FTCD: variants seen among roughly 807,000 people sequenced by gnomAD.
FTCD encodes the protein formimidoyltransferase cyclodeaminase, also known as formimidoyltransferase-cyclodeaminase.
FTCD carries 76 observed loss-of-function variants against 62.9 expected under a neutral mutation model. The observed-to-expected ratio is 1.21, with a 90% CI of 1.00 to 1.46. The LOEUF is 1.46. Among genes scored for constraint, FTCD ranks in the 40% most tolerant of loss-of-function variants. The pLI, the probability that FTCD is intolerant of heterozygous loss-of-function variation, is 0.00. For synonymous variants in FTCD, 397 were observed against 336.9 expected (o/e 1.18, Z -1.95); for missense variants, 845 against 751.3 (o/e 1.12, Z -1.46).
Position 46,154,188 on chromosome 21 carries a change from G to A in FTCD, c.199C>T (p.Arg67Trp), listed in dbSNP as rs752501588. The change falls in exon 2 of 14, where the codon CGG becomes TGG. Residue 67 changes from arginine (R) to tryptophan (W), a missense_variant. Transcript: ENST00000397746. ...ATGTCGATAAGTCGGGAAGCTACCC[G>A]GGCAGCGTTGAGGGCCCCCTCCACC... ...CVVEGALNAARVASRLIDMSR... is the reference protein window; with the variant it reads ...CVVEGALNAAWVASRLIDMSR... 2.9e-5 allele frequency: 46 copies of A among 1,612,698 alleles called. No homozygotes were observed. Among genetic ancestry groups the A allele is most frequent in the African/African-American group, 4.0e-5 (3 of 74,912 alleles).
chr21:46,153,201 CCCAGCCCTGCCCCAGCGGCAGCA>C (rs1208825037), intron 2 of FTCD, among the ~76,000 whole-genome samples, 166 bp from the exon 3 acceptor site: 3 of 152,174 alleles, frequency 2.0e-5, no homozygotes, highest in African/African-American at 7.2e-5. Context: ...CCTGGGCGCT[CCCAGCCCTGCCCCAGCGGCAGCA>C]CCAGCCCTCC....
intron 2 of FTCD, 147 bp downstream of exon 2, chr21:46,154,002 T>C: frequency 1.2e-6 from 1 of 809,980 alleles, no homozygotes; most frequent in Non-Finnish European, 2.1e-6. Context: ...CACTCCAGGG[T>C]CCTCCTAGGA....
At position 46,143,675 on chromosome 21, in the gene FTCD, C is replaced by T. The variant is rs185586885; in HGVS notation, c.1260+1742G>A. Among the ~76,000 whole-genome samples the T allele has an allele frequency of 1.7e-3, 253 of 152,296 alleles. 1 individual carries two copies. The highest frequency in any genetic ancestry group is 0.015 in the Admixed American group (228 of 15,306). On this transcript the variant is annotated intron_variant, in intron 10 of 13. Coordinates refer to ENST00000397746, the MANE Select transcript of FTCD (RefSeq NM_206965.2). Reference sequence around the variant, plus strand: ...GCTCTTTGTCAGGCCTGGGCAGGGCCACTAGAGGGCTCCTTGGTCTAGCGG... The same window carrying T: ...GCTCTTTGTCAGGCCTGGGCAGGGCTACTAGAGGGCTCCTTGGTCTAGCGG...
intron 1 of FTCD, among the ~76,000 whole-genome samples, chr21:46,154,729 C>A (rs1169424712): frequency 6.6e-6 from 1 of 152,242 alleles, no homozygotes; most frequent in African/African-American, 2.4e-5. Flanking sequence ...GGGGGAGGGG[C>A]CTGAAGGGCC....
intron 2 of FTCD, 26 bp from the exon 3 acceptor site, chr21:46,153,061 A>G (rs927369510): frequency 1.0e-5 from 16 of 1,541,298 alleles, no homozygotes; most frequent in Non-Finnish European, 1.4e-5. Context: ...GAGGCCGGGC[A>G]GGAGGCCAGG....
At position 46,150,422 on chromosome 21, in the gene FTCD, T is replaced by C; in HGVS notation, c.740A>G (p.His247Arg). The C allele has an allele frequency of 6.2e-7, 1 of 1,613,062 alleles. No individual in the cohort carries two copies. The highest frequency in any genetic ancestry group is 8.5e-7 in the Non-Finnish European group (1 of 1,179,878). The change falls in exon 6 of 14, where the codon CAC becomes CGC. Residue 247 changes from histidine to arginine, a missense_variant. His to Arg is a conservative substitution (Grantham distance 29). Coordinates refer to ENST00000397746, the MANE Select transcript of FTCD (RefSeq NM_206965.2). ...TCGGCAGGTCTCCTCGTAGACCGTGTGCAGTGCCGTGACCTCAAAGTCCAG... is the reference window on the plus strand; with the variant it reads ...TCGGCAGGTCTCCTCGTAGACCGTGCGCAGTGCCGTGACCTCAAAGTCCAG... ...NLLDFEVTAL[H>R]TVYEETCREA...
chr21:46,136,480 C>A, downstream of FTCD: 1 of 1,612,644 alleles, frequency 6.2e-7, no homozygotes. Context: ...GAAGGTCCTG[C>A]TGTCCCTGGG....
At chr21:46,143,688 C>G (rs2079066899) in intron 10 of FTCD, among the ~76,000 whole-genome samples, 1 of 152,166 alleles carries the variant, frequency 6.6e-6, no homozygotes, top group South Asian at 2.1e-4. Context: ...TAGAGGGCTC[C>G]TTGGTCTAGC....
At chr21:46,152,513 G>A (rs955285883) in intron 3 of FTCD, 8 of 198,386 alleles carry the variant, frequency 4.0e-5, no homozygotes, top group African/African-American at 9.3e-5. Flanking sequence ...TCCCTGCCTC[G>A]GGATTTCTTT....
intron 10 of FTCD, among the ~76,000 whole-genome samples, chr21:46,143,147 C>T (rs1053251923): frequency 6.6e-6 from 1 of 152,178 alleles, no homozygotes; most frequent in Non-Finnish European, 1.5e-5. Flanking sequence ...GTGTGGATTC[C>T]ACGTGCATTT....
chr21:46,151,530 G>A, intron 5 of FTCD, 28 bp downstream of exon 5: 1 of 1,596,272 alleles, frequency 6.3e-7, no homozygotes, highest in South Asian at 1.1e-5. Context: ...GCTGGGTGGG[G>A]CTCCATGGGG....
At chr21:46,138,170 C>T (rs535122024) in intron 12 of FTCD, among the ~76,000 whole-genome samples, 11 of 152,280 alleles carry the variant, frequency 7.2e-5, no homozygotes, top group Non-Finnish European at 1.0e-4. Flanking sequence ...GGACCACAGG[C>T]GAGAACCATT....
intron 5 of FTCD, among the ~76,000 whole-genome samples, chr21:46,151,019 G>C (rs1568980316): frequency 1.3e-5 from 2 of 152,230 alleles, no homozygotes; most frequent in Admixed American, 6.5e-5. Context: ...CGGGAAGCCG[G>C]GTCCCAGGAC....
At chr21:46,136,373 G>A (rs2078867192), downstream of FTCD, 4 of 1,488,804 alleles carry the variant, frequency 2.7e-6, no homozygotes, top group East Asian at 9.2e-5. Flanking sequence ...GTTGAAGGGT[G>A]GACGGGAACT....
At chr21:46,152,194 A>G (rs2079306493) in intron 3 of FTCD, 3 of 534,932 alleles carry the variant, frequency 5.6e-6, no homozygotes, top group Non-Finnish European at 9.9e-6. Flanking sequence ...CCCCCTCCTC[A>G]GAGGGCCCTG....
intron 10 of FTCD, among the ~76,000 whole-genome samples, chr21:46,140,665 C>T (rs559828332): frequency 6.7e-6 from 1 of 150,278 alleles, no homozygotes; most frequent in African/African-American, 2.5e-5. Context: ...CAGCACTCCC[C>T]GTCCACCTTC....
Position 46,145,860 on chromosome 21 carries a change from C to T in FTCD, c.1056G>A (p.Ala352=), listed in dbSNP as rs1467740731. ...CCGCCACCGAGCCGCCCCCGGGGGC[C>T]GCAGAGCGGGCACCCACCTCCCCCA... ...AFVGEVGARS[A]APGGGSVAAA... Residue 352 remains alanine, a synonymous_variant, in exon 9 of 14, where the codon GCG becomes GCA. Transcript: ENST00000397746. The T allele has an allele frequency of 6.4e-6, 9 of 1,404,612 alleles. No homozygotes were observed. Among genetic ancestry groups the T allele is most frequent in the African/African-American group, 1.8e-5 (1 of 55,256 alleles). The allele number at this position is 1,404,612 out of a possible 1,614,324, so 87.0% of individuals were successfully genotyped here. A position where few individuals can be genotyped will look rare whatever the true frequency, so the allele number is the denominator to read the frequency against.
intron 10 of FTCD, chr21:46,139,193 A>C: frequency 1.8e-6 from 1 of 546,566 alleles, no homozygotes; most frequent in South Asian, 2.1e-5. Context: ...ATTCTCAGCT[A>C]AAGAGCCTGA....
chr21:46,138,616 C>CCTCAGACCCTCCTGTAGGGCCGCCGT lies in FTCD; in HGVS notation c.1309_1334dup (p.Ala447ArgfsTer7). The CCTCAGACCCTCCTGTAGGGCCGCCGT allele has an allele frequency of 6.3e-7, 1 of 1,593,680 alleles. No individual in the cohort carries two copies. Among genetic ancestry groups the CCTCAGACCCTCCTGTAGGGCCGCCGT allele is most frequent in the African/African-American group, 1.3e-5 (1 of 74,954 alleles). ...GCGTCAGCGGCACAGAGACTGCCCG[C>CCTCAGACCCTCCTGTAGGGCCGCCGT]CTCAGACCCTCCTGTAGGGCCGCCG... On this transcript the variant is annotated stop_gained and frameshift_variant, in exon 12 of 14. Coordinates refer to ENST00000397746, the MANE Select transcript of FTCD (RefSeq NM_206965.2). LOFTEE classifies it high-confidence loss of function.
Sources: allele counts gnomAD v4.1 joint callset (sites outside exome capture counted in the v4.1 genomes callset), GRCh38; gene constraint gnomAD v4.1.1; transcripts MANE v1.5; gene names NCBI Gene and HGNC (gene_info 2026-07-23, HGNC 2026-07-21).